Variants in AADACL2 observed in about 807,000 individuals in gnomAD.
AADACL2 encodes the protein arylacetamide deacetylase-like 2.
In AADACL2, 23 loss-of-function variants were observed where a neutral mutation model predicts 22.3. The observed-to-expected ratio is 1.03, with a 90% CI of 0.74 to 1.46. AADACL2 has a LOEUF of 1.46. AADACL2 is among the 40% of genes most tolerant of loss of function. The pLI is 0.00. For synonymous variants in AADACL2, 177 were observed against 166.2 expected, an observed-to-expected ratio of 1.07 and a Z score of -0.50; for missense variants, 472 against 482.9, an observed-to-expected ratio of 0.98 and a Z score of 0.21.
rs74831809 is a variant in AADACL2 at position 151,755,781 on chromosome 3, T to C, written c.604-1211T>C. Among the ~76,000 whole-genome samples, 907 of 152,260 alleles carry C rather than the reference T, an allele frequency of 6.0e-3. 12 individuals are homozygous for C. Among genetic ancestry groups the C allele is most frequent in the African/African-American group, 0.021 (877 of 41,556 alleles). On this transcript the variant is annotated intron_variant, in intron 4 of 4. Coordinates refer to ENST00000356517, the MANE Select transcript of AADACL2 (RefSeq NM_207365.4). ...ACACTTTTTGACCTGTCCCTGTTTA[T>C]GTGTTCTCTGTTTGTTTTTTTCCTA...
chr3:151,747,960 G>C lies in AADACL2; in HGVS notation c.603+2280G>C, dbSNP rs145538186. Among the ~76,000 whole-genome samples the C allele has an allele frequency of 4.1e-3, 630 of 151,922 alleles. 6 individuals carry two copies. The highest frequency in any genetic ancestry group is 0.014 in the African/African-American group (600 of 41,454). On this transcript the variant is annotated intron_variant, in intron 4 of 4. Coordinates refer to ENST00000356517, the MANE Select transcript of AADACL2 (RefSeq NM_207365.4). ...AGTTCTATTTCCCATTTTTTAAATT[G>C]GGTTATTTGTTTTCTTGCCATTTAG...
At chr3:151,735,130 G>C (rs1713046468) in intron 1 of AADACL2, among the ~76,000 whole-genome samples, 1 of 152,144 alleles carries the variant, frequency 6.6e-6, no homozygotes, top group Non-Finnish European at 1.5e-5. Flanking sequence ...ATCACTTCTA[G>C]AGGCTTACCT....
chr3:151,761,151 A>ATT lies in AADACL2; in HGVS notation c.*3558_*3559insTT, dbSNP rs199674358. The ATT allele has an allele frequency of 1.0e-5, 1 of 95,496 alleles. No individual in the cohort carries two copies. The highest frequency in any genetic ancestry group is 4.5e-5 in the African/African-American group (1 of 22,102). 5.9% of individuals were successfully genotyped at this position (95,496 alleles called of 1,614,324 possible). ...TATATTTATATATGGTGAGATATAT[A>ATT]TATATATGGTGAGATATATATTTAT... On this transcript the variant is annotated 3_prime_UTR_variant, in exon 5 of 5. Transcript: ENST00000356517.
chr3:151,734,290 CTTGT>C (rs894961041), intron 1 of AADACL2, 117 bp downstream of exon 1: 79 of 1,154,616 alleles, frequency 6.8e-5, no homozygotes, highest in Non-Finnish European at 7.8e-5. Flanking sequence ...AGAACCATTG[CTTGT>C]TTGAGTAAAT....
In AADACL2 at chr3:151,745,621, C is replaced by G; in HGVS notation, c.544C>G (p.Arg182Gly). 1 of 1,613,510 alleles carries G rather than the reference C, an allele frequency of 6.2e-7. No individual in the cohort carries two copies. Among genetic ancestry groups the G allele is most frequent in the South Asian group, 1.1e-5 (1 of 90,934 alleles). Reference sequence around the variant, plus strand: ...TACAAAATATGGAGTGGATCCCACCCGAATCTGCATTGCGGGAGACAGTTC... The same window carrying G: ...TACAAAATATGGAGTGGATCCCACCGGAATCTGCATTGCGGGAGACAGTTC... ...ILTKYGVDPT[R>G]ICIAGDSSGG... The change falls in exon 4 of 5, where the codon CGA (arginine) becomes GGA (glycine). Residue 182 changes from arginine (R) to glycine (G), a missense_variant. By Grantham distance (125) the Arg-to-Gly change is moderately radical (BLOSUM62 -2). Coordinates refer to ENST00000356517, the MANE Select transcript of AADACL2 (RefSeq NM_207365.4).
chr3:151,738,742 G>A (rs1311563467), intron 1 of AADACL2, among the ~76,000 whole-genome samples: 1 of 151,990 alleles, frequency 6.6e-6, no homozygotes, highest in African/African-American at 2.4e-5. Flanking sequence ...ATTTCATTAA[G>A]TTGATCTTCA....
At position 151,760,954 on chromosome 3, in the gene AADACL2, A is replaced by C. The variant is rs773245053; in HGVS notation, c.*3360A>C. 1 of 151,904 alleles carries C rather than the reference A, an allele frequency of 6.6e-6. No homozygotes were observed. Among genetic ancestry groups the C allele is most frequent in the Non-Finnish European group, 1.5e-5 (1 of 67,994 alleles). 9.4% of individuals were successfully genotyped at this position (151,904 alleles called of 1,614,324 possible). On this transcript the variant is annotated 3_prime_UTR_variant, in exon 5 of 5. Coordinates refer to ENST00000356517, the MANE Select transcript of AADACL2 (RefSeq NM_207365.4). ...TTCCCTTTTTATAAAGATAGCAGTC[A>C]GATTAGATTAGGGCCTATCCTAATA... is the stretch of plus-strand genomic sequence containing the variant.
At position 151,759,719 on chromosome 3, in the gene AADACL2, G is replaced by C. The variant is rs534465334; in HGVS notation, c.*2125G>C. The C allele has an allele frequency of 4.6e-5, 7 of 152,232 alleles. No individual in the cohort carries two copies. In the East Asian group the frequency reaches 1.2e-3, roughly 25 times the overall value. The allele number at this position is 152,232 out of a possible 1,614,324, so 9.4% of individuals were successfully genotyped here. ...AGAATATTTCTGGAAGGAACCACAG[G>C]TAGACTAGCTTCCATTGCAGTCCCT... On this transcript the variant is annotated 3_prime_UTR_variant, in exon 5 of 5. Coordinates refer to ENST00000356517, the MANE Select transcript of AADACL2 (RefSeq NM_207365.4).
chr3:151,756,611 T>C (rs1342220968), intron 4 of AADACL2, among the ~76,000 whole-genome samples: 1 of 152,024 alleles, frequency 6.6e-6, no homozygotes, highest in Non-Finnish European at 1.5e-5. Context: ...TAAGAAGGAT[T>C]TTTACAAAAC....
chr3:151,752,352 A>G (rs1344555173), intron 4 of AADACL2, among the ~76,000 whole-genome samples: 1 of 152,212 alleles, frequency 6.6e-6, no homozygotes, highest in Non-Finnish European at 1.5e-5. Flanking sequence ...ATTAGGACAC[A>G]TACATTACCC....
intron 1 of AADACL2, among the ~76,000 whole-genome samples, chr3:151,735,782 A>T (rs1713067980): frequency 2.6e-5 from 4 of 152,218 alleles, no homozygotes; most frequent in Admixed American, 2.6e-4. Flanking sequence ...TTAAATTAAA[A>T]TTAAGAAAAT....
intron 1 of AADACL2, among the ~76,000 whole-genome samples, chr3:151,738,426 A>T (rs7432995): frequency 0.12 from 18,722 of 151,922 alleles, 1,254 homozygotes; most frequent in Middle Eastern, 0.19. Flanking sequence ...CTGCCTTTAC[A>T]TTTTTCCTTT....
chr3:151,746,488 T>C (rs547763270), intron 4 of AADACL2, among the ~76,000 whole-genome samples: 1 of 151,952 alleles, frequency 6.6e-6, no homozygotes, highest in East Asian at 1.9e-4. Flanking sequence ...GTCTGGGGCC[T>C]CTAGTAAAAT....
At chr3:151,734,565 T>C (rs919587443) in intron 1 of AADACL2, among the ~76,000 whole-genome samples, 1 of 152,184 alleles carries the variant, frequency 6.6e-6, no homozygotes, top group Non-Finnish European at 1.5e-5. Context: ...TATTTGTAAC[T>C]CTTTGATATT....
rs184167354 is a variant in AADACL2, at chr3:151,760,281, A to G, written c.*2687A>G. On this transcript the variant is annotated 3_prime_UTR_variant, in exon 5 of 5. Coordinates refer to ENST00000356517, the MANE Select transcript of AADACL2 (RefSeq NM_207365.4). ...CAACGTTTTCAGTCTCTTTGTAGCTATGTTATCCAGACATTGATTTGTATT... is the reference window on the plus strand; with the variant it reads ...CAACGTTTTCAGTCTCTTTGTAGCTGTGTTATCCAGACATTGATTTGTATT... 6.6e-6 allele frequency: 1 copy of G among 152,256 alleles called. No homozygotes were observed. Among genetic ancestry groups the G allele is most frequent in the East Asian group, 1.9e-4 (1 of 5,180 alleles). 9.4% of individuals were successfully genotyped at this position (152,256 alleles called of 1,614,324 possible). A position where few individuals can be genotyped will look rare whatever the true frequency, so the allele number is the denominator to read the frequency against.
At chr3:151,747,888 C>A (rs529622786) in intron 4 of AADACL2, among the ~76,000 whole-genome samples, 1 of 152,192 alleles carries the variant, frequency 6.6e-6, no homozygotes, top group East Asian at 1.9e-4. Context: ...TACTAACTGA[C>A]ATTTCCAACA....
rs56205370 is a variant in AADACL2, at chr3:151,761,204, G to GATATATATATATATATATATATAT, written c.*3625_*3648dup. On this transcript the variant is annotated 3_prime_UTR_variant, in exon 5 of 5. Coordinates refer to ENST00000356517, the MANE Select transcript of AADACL2 (RefSeq NM_207365.4). ...ATATGGTGAGATATATACATATTGT[G>GATATATATATATATATATATATAT]ATATATATATATATATATATATATA... 1.2e-5 allele frequency: 1 copy of GATATATATATATATATATATATAT among 85,448 alleles called. No individual in the cohort carries two copies. The highest frequency in any genetic ancestry group is 4.0e-5 in the African/African-American group (1 of 24,906). 5.3% of individuals were successfully genotyped at this position (85,448 alleles called of 1,614,324 possible).
rs750675496 is a variant in AADACL2 at position 151,757,253 on chromosome 3, G to A, written c.865G>A (p.Glu289Lys). 3 of 1,613,696 alleles carry A rather than the reference G, an allele frequency of 1.9e-6. No individual in the cohort carries two copies. Among genetic ancestry groups the A allele is most frequent in the East Asian group, 2.2e-5 (1 of 44,868 alleles). The change falls in exon 5 of 5, where the codon GAG becomes AAG. Residue 289 changes from glutamate to lysine, a missense_variant. Glu to Lys is a moderately conservative substitution (Grantham distance 56). Around this residue, in one of 3 missense-constraint regions of AADACL2, gnomAD observed 356 missense variants for 365.5 expected, o/e 0.97. Coordinates refer to ENST00000356517, the MANE Select transcript of AADACL2 (RefSeq NM_207365.4). ...TGTTAACTGGAGTATTCTTCTTCCT[G>A]AGAAGTATAGAAAAGACTATGTATA... ...KFVNWSILLP[E>K]KYRKDYVYTE... is the part of the protein sequence containing the mutation.
rs1211639862 is a variant in AADACL2, at chr3:151,759,894, C to G, written c.*2300C>G. On this transcript the variant is annotated 3_prime_UTR_variant, in exon 5 of 5. Coordinates refer to ENST00000356517, the MANE Select transcript of AADACL2 (RefSeq NM_207365.4). ...ATCAAGCCATTAAGTTTGGAAACAA[C>G]TGAATGAAAGTCGTCTGTTATAATG... 6.6e-6 allele frequency: 1 copy of G among 152,134 alleles called. No individual in the cohort carries two copies. Among genetic ancestry groups the G allele is most frequent in the Non-Finnish European group, 1.5e-5 (1 of 68,014 alleles). 9.4% of individuals were successfully genotyped at this position (152,134 alleles called of 1,614,324 possible).
Sources: allele counts gnomAD v4.1 joint callset (sites outside exome capture counted in the v4.1 genomes callset), GRCh38; gene constraint gnomAD v4.1.1; regional missense constraint gnomAD v4.1.1; transcripts MANE v1.5; gene names NCBI Gene and HGNC (gene_info 2026-07-23, HGNC 2026-07-21).